ANK2: variants seen among roughly 807,000 people sequenced by gnomAD.
The protein encoded by ANK2 is ankyrin-2.
Under a neutral mutation model 360.5 loss-of-function variants are expected in ANK2, and 83 were observed. That is an observed-to-expected ratio of 0.23 (90% CI 0.19 to 0.28). The LOEUF is 0.28. Among genes scored for constraint, ANK2 ranks in the 10% least tolerant of loss-of-function variants. The probability of loss-of-function intolerance (pLI) is 1.00; values close to 1 mark genes in which losing one functional copy is unlikely to be tolerated. For missense variants in ANK2, 4,201 were observed against 4,795.7 expected, an observed-to-expected ratio of 0.88 and a Z score of 3.66; for synonymous variants, 1,740 against 1,759.5, an observed-to-expected ratio of 0.99 and a Z score of 0.28.
chr4:113,237,503 G>A, intron 6 of ANK2, 96 bp from the exon 7 acceptor site: 1 of 1,253,488 alleles, frequency 8.0e-7, no homozygotes, highest in Admixed American at 1.7e-5. Context: ...TGCCATGTTG[G>A]AACAGTATAC....
At chr4:113,042,559 A>G (rs1430967359) in intron 2 of ANK2, among the ~76,000 whole-genome samples, 4 of 152,148 alleles carry the variant, frequency 2.6e-5, no homozygotes, top group Non-Finnish European at 4.4e-5. Context: ...TTGCAGGGAC[A>G]CAAATGTTTT....
chr4:113,053,653 G>A (rs1283691482), intron 1 of ANK2, among the ~76,000 whole-genome samples: 2 of 152,188 alleles, frequency 1.3e-5, no homozygotes, highest in African/African-American at 2.4e-5. Context: ...GAGTACAGTG[G>A]TGTGATCATG....
chr4:113,334,440 T>C (rs1194141654), intron 29 of ANK2, among the ~76,000 whole-genome samples: 1 of 152,132 alleles, frequency 6.6e-6, no homozygotes, highest in Non-Finnish European at 1.5e-5. Flanking sequence ...CCAGTGAGCA[T>C]TGGTATCTTG....
At chr4:112,944,226 T>C (rs935494255) in intron 2 of ANK2, among the ~76,000 whole-genome samples, 3 of 152,212 alleles carry the variant, frequency 2.0e-5, no homozygotes, top group African/African-American at 7.2e-5. Flanking sequence ...AATGATATAT[T>C]GTATTAGCTG....
chr4:113,056,563 A>G (rs991618002), intron 1 of ANK2, among the ~76,000 whole-genome samples: 1 of 152,186 alleles, frequency 6.6e-6, no homozygotes, highest in Admixed American at 6.6e-5. Context: ...GGTCGGATAC[A>G]TCACAACAAA....
chr4:112,714,173 A>T, the ANK2 span, among the ~76,000 whole-genome samples: 2 of 152,064 alleles, frequency 1.3e-5, no homozygotes, highest in Non-Finnish European at 2.9e-5. Context: ...TACTTATTTG[A>T]CATCCTTTAG....
chr4:113,105,157 T>C (rs1395921099), intron 1 of ANK2, among the ~76,000 whole-genome samples: 1 of 152,154 alleles, frequency 6.6e-6, no homozygotes, highest in African/African-American at 2.4e-5. Context: ...ATTTTATGAG[T>C]AGGTAGCCCT....
In ANK2 at chr4:112,926,966, A is replaced by G. The variant is rs78569227; in HGVS notation, c.21+22452A>G. On this transcript the variant is annotated intron_variant, in intron 2 of 30. Transcript: ENST00000503271. ...GGGAGGTGTCAGAAAACTTACAATCATGGCCAAAGGGGAAGCAAACACATG... is the reference window on the plus strand; with the variant it reads ...GGGAGGTGTCAGAAAACTTACAATCGTGGCCAAAGGGGAAGCAAACACATG... 9.6e-3 allele frequency among the ~76,000 whole-genome samples: 1,457 copies of G among 152,324 alleles called. 14 individuals carry two copies. The highest frequency in any genetic ancestry group is 0.025 in the African/African-American group (1,027 of 41,572).
chr4:113,330,611 G>T (rs2092160956), intron 27 of ANK2, 141 bp downstream of exon 27: 1 of 816,650 alleles, frequency 1.2e-6, no homozygotes, highest in South Asian at 1.7e-5. Flanking sequence ...AAAATTGGAA[G>T]TAGCACCTCA....
chr4:112,939,905 C>T (rs189017976), intron 2 of ANK2, among the ~76,000 whole-genome samples: 6 of 152,186 alleles, frequency 3.9e-5, no homozygotes, highest in East Asian at 1.9e-4. Flanking sequence ...GTTGTTTCAA[C>T]GATCATAATA....
At chr4:113,016,227 C>T (rs2154294999) in intron 2 of ANK2, among the ~76,000 whole-genome samples, 1 of 152,070 alleles carries the variant, frequency 6.6e-6, no homozygotes, top group African/African-American at 2.4e-5. Context: ...GGCAAGTTTC[C>T]TGTCATTGGG....
intron 1 of ANK2, among the ~76,000 whole-genome samples, chr4:112,855,614 G>A (rs2066185944): frequency 6.6e-6 from 1 of 152,068 alleles, no homozygotes; most frequent in African/African-American, 2.4e-5. Context: ...TTTACTATAT[G>A]CCAGGTATTG....
chr4:112,827,621 C>T (rs13108692), intron 1 of ANK2: 247,736 of 845,392 alleles, frequency 0.29, 37,248 homozygotes, highest in Admixed American at 0.33. Flanking sequence ...CTCTACTCTC[C>T]ATCCAGATCC....
intron 2 of ANK2, among the ~76,000 whole-genome samples, chr4:113,024,012 G>T (rs186528374): frequency 8.5e-5 from 13 of 152,158 alleles, no homozygotes; most frequent in Non-Finnish European, 2.9e-5. Flanking sequence ...TCTTCCTAGG[G>T]CTTACAAAAT....
At chr4:113,305,854 T>C (rs1004041335) in intron 23 of ANK2, among the ~76,000 whole-genome samples, 42 of 152,208 alleles carry the variant, frequency 2.8e-4, no homozygotes, top group Non-Finnish European at 3.8e-4. Flanking sequence ...GTATTCAAAC[T>C]CTTGTCATTA....
At chr4:113,282,208 A>G (rs1216789461) in intron 17 of ANK2, among the ~76,000 whole-genome samples, 1 of 152,220 alleles carries the variant, frequency 6.6e-6, no homozygotes, top group East Asian at 1.9e-4. Context: ...AGCAATATTG[A>G]CAAACTAGAA....
intron 2 of ANK2, among the ~76,000 whole-genome samples, chr4:112,905,019 A>T (rs1256162585): frequency 6.6e-6 from 1 of 152,206 alleles, no homozygotes; most frequent in Non-Finnish European, 1.5e-5. Context: ...CATTTAAATC[A>T]AGGGGAAGGA....
chr4:113,068,631 T>C (rs892658727), intron 1 of ANK2, among the ~76,000 whole-genome samples: 2 of 152,206 alleles, frequency 1.3e-5, no homozygotes, highest in African/African-American at 4.8e-5. Flanking sequence ...CACATGATTG[T>C]ATGTTTGCAT....
intron 26 of ANK2, chr4:113,323,644 T>A (rs2087781478): frequency 1.0e-6 from 1 of 988,440 alleles, no homozygotes; most frequent in African/African-American, 1.6e-5. Flanking sequence ...TGGATTTCCA[T>A]TTGTTTTCAA....
Sources: allele counts gnomAD v4.1 joint callset (sites outside exome capture counted in the v4.1 genomes callset), GRCh38; gene constraint gnomAD v4.1.1; transcripts MANE v1.5; gene names NCBI Gene and HGNC (gene_info 2026-07-23, HGNC 2026-07-21).